CUX2: variants seen among roughly 807,000 people sequenced by gnomAD.
CUX2 encodes the protein cut like homeobox 2, also known as homeobox protein cut-like 2.
A neutral mutation model predicts 144.8 loss-of-function variants in CUX2; 40 were observed. The ratio of observed to expected loss-of-function variants is 0.28; its 90% confidence interval spans 0.21 to 0.36. The LOEUF (loss-of-function observed/expected upper bound fraction) is 0.36. Among genes scored for constraint, CUX2 ranks in the 10% least tolerant of loss-of-function variants. The probability of loss-of-function intolerance (pLI) is 1.00; values close to 1 mark genes in which losing one functional copy is unlikely to be tolerated. For missense variants in CUX2, 1,615 were observed against 1,994.0 expected (o/e 0.81, Z 3.62); for synonymous variants, 827 against 875.6 (o/e 0.94, Z 0.98).
chr12:111,250,571 G>A (rs1026328195), intron 3 of CUX2, among the ~76,000 whole-genome samples: 3 of 152,192 alleles, frequency 2.0e-5, no homozygotes, highest in African/African-American at 4.8e-5. Flanking sequence ...TTGGCAAAAC[G>A]AGCCTGGCCT....
At chr12:111,254,057 C>G (rs1220184404) in intron 3 of CUX2, among the ~76,000 whole-genome samples, 1 of 152,090 alleles carries the variant, frequency 6.6e-6, no homozygotes, top group Non-Finnish European at 1.5e-5. Flanking sequence ...ATGTTAGTCT[C>G]TACCCTTGGG....
intron 1 of CUX2, among the ~76,000 whole-genome samples, chr12:111,182,985 C>A (rs1160100503): frequency 6.6e-6 from 1 of 152,234 alleles, no homozygotes; most frequent in East Asian, 1.9e-4. Flanking sequence ...CATGCACCTT[C>A]CTCCTTCAAT....
intron 1 of CUX2, among the ~76,000 whole-genome samples, chr12:111,129,269 G>A (rs1875289963): frequency 6.6e-6 from 1 of 152,212 alleles, no homozygotes; most frequent in Non-Finnish European, 1.5e-5. Context: ...AGTGTCATGG[G>A]CTAGGGTGAA....
At chr12:111,208,505 A>T (rs1256259312) in intron 1 of CUX2, among the ~76,000 whole-genome samples, 2 of 152,182 alleles carry the variant, frequency 1.3e-5, no homozygotes, top group Non-Finnish European at 2.9e-5. Flanking sequence ...ATAGATAACC[A>T]ACCATAGGAT....
chr12:111,262,374 T>C (rs1275663946), intron 3 of CUX2, among the ~76,000 whole-genome samples: 1 of 131,644 alleles, frequency 7.6e-6, no homozygotes, highest in Non-Finnish European at 1.6e-5. Context: ...GATTTTGTAA[T>C]GGATCTTTTT....
chr12:111,120,453 A>G (rs1566234694), intron 1 of CUX2, among the ~76,000 whole-genome samples: 1 of 152,150 alleles, frequency 6.6e-6, no homozygotes, highest in Non-Finnish European at 1.5e-5. Flanking sequence ...CGTGGACATC[A>G]GAATTCCTGA....
chr12:111,298,806 G>C (rs1293223386), intron 9 of CUX2, among the ~76,000 whole-genome samples: 1 of 152,160 alleles, frequency 6.6e-6, no homozygotes, highest in Non-Finnish European at 1.5e-5. Context: ...GTTGGGGTAG[G>C]GAATGCAGAC....
intron 3 of CUX2, among the ~76,000 whole-genome samples, chr12:111,232,683 G>A (rs73414547): frequency 0.013 from 1,990 of 152,178 alleles, 38 homozygotes; most frequent in African/African-American, 0.045. Flanking sequence ...AACCTATCTA[G>A]CCCACAAAGA....
Position 111,322,309 on chromosome 12 carries a change from G to T in CUX2, c.2767-112G>T, listed in dbSNP as rs185193597. On this transcript the variant is annotated intron_variant, in intron 17 of 21. Transcript: ENST00000261726. The surrounding 1 kb of genome is among the most constrained non-coding windows in gnomAD (Gnocchi z 4.2). ...CTCCATCCTGGGCGACAGACAAAGCGAGACTCTGCCTCAAAAAAAAAAAAA... is the reference window on the plus strand; with the variant it reads ...CTCCATCCTGGGCGACAGACAAAGCTAGACTCTGCCTCAAAAAAAAAAAAA... 2 of 1,169,304 alleles carry T rather than the reference G, an allele frequency of 1.7e-6. No individual in the cohort carries two copies. Among genetic ancestry groups the T allele is most frequent in the Non-Finnish European group, 2.3e-6 (2 of 874,228 alleles). 72.4% of individuals were successfully genotyped at this position (1,169,304 alleles called of 1,614,324 possible).
intron 20 of CUX2, chr12:111,339,453 T>C (rs1888492899): frequency 6.6e-6 from 1 of 152,204 alleles, no homozygotes; most frequent in Non-Finnish European, 1.5e-5. Flanking sequence ...GAACCGTCTC[T>C]TGTAGGGCTG....
At chr12:111,098,930 C>T (rs1445158261) in intron 1 of CUX2, among the ~76,000 whole-genome samples, 1 of 152,200 alleles carries the variant, frequency 6.6e-6, no homozygotes, top group African/African-American at 2.4e-5. Context: ...CCTCAGGGAG[C>T]CCCCAGACAG....
At chr12:111,125,327 G>A (rs994726913) in intron 1 of CUX2, among the ~76,000 whole-genome samples, 3 of 152,024 alleles carry the variant, frequency 2.0e-5, no homozygotes, top group Non-Finnish European at 2.9e-5. Context: ...CTCCAGGCAC[G>A]TGCCACCGCA....
chr12:111,182,003 G>A (rs551320745), intron 1 of CUX2, among the ~76,000 whole-genome samples: 6 of 152,198 alleles, frequency 3.9e-5, no homozygotes, highest in South Asian at 4.2e-4. Context: ...TATCTCCGAC[G>A]GGTGCACCTA....
intron 4 of CUX2, among the ~76,000 whole-genome samples, chr12:111,279,931 G>A (rs999823834): frequency 1.2e-4 from 18 of 150,352 alleles, no homozygotes; most frequent in African/African-American, 3.9e-4. Flanking sequence ...GCAGTGAGCC[G>A]AGATTGCGCC....
rs1882868201 is a variant in CUX2, at chr12:111,238,456, C to T, written c.222+20519C>T. ...GATACCACTTCATTATCCTCCATGACTCCCCTTTAAGGGAGATGTTGTTAT... is the reference window on the plus strand; with the variant it reads ...GATACCACTTCATTATCCTCCATGATTCCCCTTTAAGGGAGATGTTGTTAT... On this transcript the variant is annotated intron_variant, in intron 3 of 21. Transcript: ENST00000261726. 3.3e-5 allele frequency among the ~76,000 whole-genome samples: 5 copies of T among 152,228 alleles called. No homozygotes were observed. The South Asian group carries it at 1.0e-3, about 32-fold the overall frequency.
intron 1 of CUX2, among the ~76,000 whole-genome samples, chr12:111,125,944 A>C (rs1208673263): frequency 5.9e-5 from 9 of 152,156 alleles, no homozygotes; most frequent in Non-Finnish European, 1.3e-4. Flanking sequence ...CACATCTGCA[A>C]AGGCCAAATG....
intron 1 of CUX2, among the ~76,000 whole-genome samples, chr12:111,212,794 C>A (rs1194129789): frequency 6.6e-6 from 1 of 152,242 alleles, no homozygotes; most frequent in Non-Finnish European, 1.5e-5. Flanking sequence ...CTCATCCCAG[C>A]TTGGGGTGCC....
intron 3 of CUX2, among the ~76,000 whole-genome samples, chr12:111,230,135 G>A (rs555951077): frequency 5.3e-4 from 77 of 145,078 alleles, no homozygotes; most frequent in African/African-American, 9.1e-4. Context: ...CAGCCTGGGT[G>A]ACAGAGCAAG....
At chr12:111,052,816 G>C (rs1223154749) in intron 1 of CUX2, among the ~76,000 whole-genome samples, 1 of 152,182 alleles carries the variant, frequency 6.6e-6, no homozygotes, top group Non-Finnish European at 1.5e-5. Flanking sequence ...ATTGTATTCT[G>C]TCTAGTTTGG....
Sources: allele counts gnomAD v4.1 joint callset (sites outside exome capture counted in the v4.1 genomes callset), GRCh38; gene constraint gnomAD v4.1.1; non-coding constraint Gnocchi (gnomAD v3.1); transcripts MANE v1.5; gene names NCBI Gene and HGNC (gene_info 2026-07-23, HGNC 2026-07-21).